The following SLC24A3 variants were observed in gnomAD, a reference collection of about 807,000 sequenced individuals.
The protein encoded by SLC24A3 is sodium/potassium/calcium exchanger 3.
A neutral mutation model predicts 75.8 loss-of-function variants in SLC24A3; 28 were observed. The observed-to-expected ratio is 0.37, with a 90% CI of 0.27 to 0.51. The LOEUF (loss-of-function observed/expected upper bound fraction) is 0.51, where lower values mean the gene tolerates loss of function less well. Among genes scored for constraint, SLC24A3 ranks in the 20% least tolerant of loss-of-function variants. The pLI is 0.94. For missense variants in SLC24A3, 663 were observed against 847.8 expected (o/e 0.78, Z 2.71); for synonymous variants, 372 against 334.1 (o/e 1.11, Z -1.24).
chr20:19,488,877 CA>C (rs1988166404), intron 2 of SLC24A3, among the ~76,000 whole-genome samples: 1 of 152,048 alleles, frequency 6.6e-6, no homozygotes, highest in South Asian at 2.1e-4. Context: ...AATCAGCAAG[CA>C]AAAGTGTCAC....
chr20:19,555,660 C>T (rs1038443582), intron 3 of SLC24A3, among the ~76,000 whole-genome samples: 6 of 152,098 alleles, frequency 3.9e-5, no homozygotes, highest in African/African-American at 7.2e-5. Context: ...GATTTGAAGA[C>T]GATTAACAGA....
chr20:19,415,247 C>T (rs1370412627), intron 2 of SLC24A3, among the ~76,000 whole-genome samples: 4 of 152,226 alleles, frequency 2.6e-5, no homozygotes, highest in Admixed American at 2.6e-4. Context: ...CACACTCACA[C>T]CTGCTCATCC....
intron 9 of SLC24A3, among the ~76,000 whole-genome samples, chr20:19,678,402 G>C (rs934957849): frequency 7.7e-6 from 1 of 129,366 alleles, no homozygotes; most frequent in African/African-American, 3.1e-5. Context: ...TCACTTCCCA[G>C]TAGGGACGGC....
intron 2 of SLC24A3, among the ~76,000 whole-genome samples, chr20:19,309,002 A>T (rs376301106): frequency 1.2e-4 from 19 of 152,332 alleles, no homozygotes; most frequent in African/African-American, 4.1e-4. Flanking sequence ...TGGACATTCT[A>T]GTGATAAATT....
At chr20:19,621,824 A>G (rs1472843702) in intron 6 of SLC24A3, among the ~76,000 whole-genome samples, 1 of 152,086 alleles carries the variant, frequency 6.6e-6, no homozygotes, top group African/African-American at 2.4e-5. Flanking sequence ...TGGCTCCACC[A>G]TTTCTCCTTA....
chr20:19,517,704 A>G (rs939274632), intron 3 of SLC24A3, among the ~76,000 whole-genome samples: 22 of 152,298 alleles, frequency 1.4e-4, no homozygotes, highest in Admixed American at 5.9e-4. Flanking sequence ...TTCCAAGCAC[A>G]CAGAAGCCCA....
intron 12 of SLC24A3, 76 bp downstream of exon 12, chr20:19,685,437 C>A: frequency 6.5e-7 from 1 of 1,548,658 alleles, no homozygotes. Flanking sequence ...CTTAGATTAT[C>A]TTTTTACCAT....
At chr20:19,314,630 C>T (rs1463842480) in intron 2 of SLC24A3, among the ~76,000 whole-genome samples, 1 of 152,146 alleles carries the variant, frequency 6.6e-6, no homozygotes, top group Non-Finnish European at 1.5e-5. Flanking sequence ...ATCTTCTTTA[C>T]TGGAATTGTA....
At chr20:19,262,371 C>G (rs1203629114) in intron 1 of SLC24A3, among the ~76,000 whole-genome samples, 1 of 139,930 alleles carries the variant, frequency 7.1e-6, no homozygotes. Context: ...CGCCACTGCA[C>G]TCCAGCCTGG....
chr20:19,407,176 C>T (rs967258378), intron 2 of SLC24A3, among the ~76,000 whole-genome samples: 3 of 152,148 alleles, frequency 2.0e-5, no homozygotes, highest in Non-Finnish European at 4.4e-5. Flanking sequence ...ATGGAGGCAT[C>T]CAAGGACTGG....
At chr20:19,635,752 C>G (rs2031992715) in intron 6 of SLC24A3, among the ~76,000 whole-genome samples, 1 of 152,186 alleles carries the variant, frequency 6.6e-6, no homozygotes, top group Non-Finnish European at 1.5e-5. Flanking sequence ...TATGTTCACT[C>G]TATGTGGCTT....
intron 2 of SLC24A3, among the ~76,000 whole-genome samples, chr20:19,337,167 G>A (rs1461932964): frequency 6.6e-6 from 1 of 152,172 alleles, no homozygotes; most frequent in African/African-American, 2.4e-5. Flanking sequence ...CACATCGGCC[G>A]AGCGCAGTGG....
chr20:19,267,459 A>C (rs1983200369), intron 1 of SLC24A3, among the ~76,000 whole-genome samples: 1 of 152,218 alleles, frequency 6.6e-6, no homozygotes, highest in East Asian at 1.9e-4. Context: ...TTAATCTTGC[A>C]ACTTTTCAGA....
intron 15 of SLC24A3, 51 bp from the exon 16 acceptor site, chr20:19,717,477 T>C (rs745336003): frequency 4.8e-5 from 76 of 1,596,866 alleles, no homozygotes; most frequent in Non-Finnish European, 5.7e-5. Flanking sequence ...AGCCTAACTC[T>C]GCTTTGGAAG....
chr20:19,508,007 A>T (rs1568638016), intron 2 of SLC24A3, among the ~76,000 whole-genome samples: 1 of 152,212 alleles, frequency 6.6e-6, no homozygotes, highest in Non-Finnish European at 1.5e-5. Flanking sequence ...TCCACGGTAC[A>T]CATGGACAAG....
intron 2 of SLC24A3, among the ~76,000 whole-genome samples, chr20:19,331,053 C>T (rs1984987385): frequency 6.6e-6 from 1 of 152,200 alleles, no homozygotes; most frequent in Non-Finnish European, 1.5e-5. Context: ...AATAGCTCCA[C>T]ATTAGAGGAG....
In SLC24A3 at chr20:19,321,043, A is replaced by T. The variant is rs549914225; in HGVS notation, c.271+39956A>T. Among the ~76,000 whole-genome samples the T allele has an allele frequency of 2.6e-5, 4 of 152,244 alleles. No individual in the cohort carries two copies. The East Asian group carries it at 7.7e-4, about 29-fold the overall frequency. On this transcript the variant is annotated intron_variant, in intron 2 of 16. Coordinates refer to ENST00000328041, the MANE Select transcript of SLC24A3 (RefSeq NM_020689.4). The stretch of plus-strand genomic sequence containing the variant: ...TATATGCAGTTAGTCCTCTGTATCC[A>T]CGGTGAATTTGGAATCCACAGATAT...
chr20:19,655,743 T>C (rs1013845864), intron 7 of SLC24A3, among the ~76,000 whole-genome samples: 2 of 152,168 alleles, frequency 1.3e-5, no homozygotes, highest in African/African-American at 2.4e-5. Flanking sequence ...CTCCAGGTTC[T>C]TGGGCCTTTG....
At chr20:19,575,282 A>G (rs1244884503) in intron 3 of SLC24A3, among the ~76,000 whole-genome samples, 1 of 149,248 alleles carries the variant, frequency 6.7e-6, no homozygotes, top group Non-Finnish European at 1.5e-5. Flanking sequence ...AAAAAAGGCA[A>G]CACCAGCTAC....
Sources: allele counts gnomAD v4.1 joint callset (sites outside exome capture counted in the v4.1 genomes callset), GRCh38; gene constraint gnomAD v4.1.1; transcripts MANE v1.5; gene names NCBI Gene and HGNC (gene_info 2026-07-23, HGNC 2026-07-21).